The following IMMP2L variants were observed in gnomAD, a reference collection of about 807,000 sequenced individuals.
The protein encoded by IMMP2L is inner mitochondrial membrane peptidase subunit 2.
IMMP2L carries 18 observed loss-of-function variants against 19.3 expected under a neutral mutation model. The ratio of observed to expected loss-of-function variants is 0.93; its 90% CI spans 0.64 to 1.38. IMMP2L has a LOEUF of 1.38. Among genes scored for constraint, IMMP2L ranks in the 40% most tolerant of loss-of-function variants. The pLI, the probability that IMMP2L is intolerant of heterozygous loss-of-function variation, is 0.00. For synonymous variants in IMMP2L, 76 were observed against 73.0 expected, an observed-to-expected ratio of 1.04 and a Z score of -0.21; for missense variants, 233 against 218.2, an observed-to-expected ratio of 1.07 and a Z score of -0.43.
intron 5 of IMMP2L, among the ~76,000 whole-genome samples, chr7:110,816,302 C>A (rs1043761105): frequency 6.6e-6 from 1 of 152,032 alleles, no homozygotes; most frequent in Non-Finnish European, 1.5e-5. Flanking sequence ...ATCCTGAGTT[C>A]TAGTTTGATT....
At chr7:111,185,962 C>T (rs184511190) in intron 3 of IMMP2L, among the ~76,000 whole-genome samples, 4 of 152,226 alleles carry the variant, frequency 2.6e-5, no homozygotes, top group South Asian at 2.1e-4. Flanking sequence ...TTCAACACTA[C>T]ACTACTTTGA....
At chr7:110,814,061 C>A (rs996957139) in intron 5 of IMMP2L, among the ~76,000 whole-genome samples, 2 of 151,956 alleles carry the variant, frequency 1.3e-5, no homozygotes, top group Admixed American at 1.3e-4. Context: ...AGAGAACACT[C>A]TTGATTTGAT....
intron 5 of IMMP2L, among the ~76,000 whole-genome samples, chr7:110,819,573 A>G (rs1437365799): frequency 6.6e-6 from 1 of 152,030 alleles, no homozygotes; most frequent in Non-Finnish European, 1.5e-5. Context: ...CAAAGTTCCA[A>G]AAACCATGAC....
intron 5 of IMMP2L, among the ~76,000 whole-genome samples, chr7:110,821,934 A>G (rs1803072275): frequency 6.6e-6 from 1 of 152,078 alleles, no homozygotes; most frequent in South Asian, 2.1e-4. Context: ...AAAAAAAGGT[A>G]AAATTCACTA....
At chr7:111,406,824 G>A (rs552092397) in intron 3 of IMMP2L, among the ~76,000 whole-genome samples, 4 of 152,070 alleles carry the variant, frequency 2.6e-5, no homozygotes, top group Admixed American at 2.0e-4. Flanking sequence ...TGCATTTTGG[G>A]GAGTGCCCTT....
chr7:110,809,806 A>C (rs1237019574), intron 5 of IMMP2L, among the ~76,000 whole-genome samples: 2 of 152,012 alleles, frequency 1.3e-5, no homozygotes, highest in Non-Finnish European at 2.9e-5. Context: ...TCATTAGGCA[A>C]AATATATTCT....
chr7:110,856,767 GT>G (rs1471828578), intron 5 of IMMP2L, among the ~76,000 whole-genome samples: 1 of 152,048 alleles, frequency 6.6e-6, no homozygotes, highest in Non-Finnish European at 1.5e-5. Context: ...GCTGAAATCA[GT>G]GGCCTTTAAT....
intron 5 of IMMP2L, among the ~76,000 whole-genome samples, chr7:110,840,946 G>A (rs1584993280): frequency 1.3e-5 from 2 of 151,838 alleles, no homozygotes; most frequent in South Asian, 2.1e-4. Flanking sequence ...CTCAATTTTG[G>A]TAGTAATATA....
chr7:111,323,476 A>G (rs1441048777), intron 3 of IMMP2L, among the ~76,000 whole-genome samples: 1 of 152,160 alleles, frequency 6.6e-6, no homozygotes, highest in Non-Finnish European at 1.5e-5. Context: ...ACAATCATTA[A>G]AAAGTCAGGA....
intron 3 of IMMP2L, among the ~76,000 whole-genome samples, chr7:111,093,054 T>A (rs141642646): frequency 6.6e-6 from 1 of 152,198 alleles, no homozygotes; most frequent in African/African-American, 2.4e-5. Context: ...GTCAAAAAAA[T>A]GAGTCAGTTT....
At chr7:110,941,673 T>C (rs1816740595) in intron 4 of IMMP2L, among the ~76,000 whole-genome samples, 2 of 152,178 alleles carry the variant, frequency 1.3e-5, no homozygotes, top group Non-Finnish European at 1.5e-5. Flanking sequence ...TTAATTGAAA[T>C]ACCTTTATGC....
At chr7:111,539,222 GAAAGAAAGAAAGAAAGAAAGAA>G (rs1229297640) in intron 1 of IMMP2L, among the ~76,000 whole-genome samples, 1 of 120,974 alleles carries the variant, frequency 8.3e-6, no homozygotes, top group African/African-American at 3.5e-5. Context: ...AAGAAAGAAA[GAAAGAAAGAAAGAAAGAAAGAA>G]AGAAAGAAAG....
At chr7:110,773,827 C>T (rs1482909168) in intron 5 of IMMP2L, among the ~76,000 whole-genome samples, 14 of 135,756 alleles carry the variant, frequency 1.0e-4, no homozygotes, top group South Asian at 4.6e-4. Flanking sequence ...ATAGTCTATT[C>T]TTTTTTTTTT....
At chr7:111,436,389 A>G (rs915557820) in intron 3 of IMMP2L, among the ~76,000 whole-genome samples, 2 of 151,750 alleles carry the variant, frequency 1.3e-5, no homozygotes, top group Non-Finnish European at 2.9e-5. Flanking sequence ...ACTTTTAACC[A>G]AACAATGTAT....
chr7:111,538,740 A>C (rs1848128672), intron 1 of IMMP2L, among the ~76,000 whole-genome samples: 1 of 146,670 alleles, frequency 6.8e-6, no homozygotes. Context: ...AGCCAAGGAG[A>C]TCGAGACTGC....
intron 5 of IMMP2L, among the ~76,000 whole-genome samples, chr7:110,744,619 G>C (rs1797207022): frequency 1.3e-5 from 2 of 152,228 alleles, no homozygotes; most frequent in Non-Finnish European, 2.9e-5. Flanking sequence ...GTCTGGAGTG[G>C]ACCTCCAGCA....
chr7:111,257,057 A>T (rs1036277309), intron 3 of IMMP2L, among the ~76,000 whole-genome samples: 1 of 152,106 alleles, frequency 6.6e-6, no homozygotes, highest in African/African-American at 2.4e-5. Context: ...TTTCTCTTTC[A>T]CATTTATCAG....
chr7:110,826,040 C>G (rs1803459845), intron 5 of IMMP2L, among the ~76,000 whole-genome samples: 1 of 152,186 alleles, frequency 6.6e-6, no homozygotes. Context: ...TATGAACACA[C>G]ACTTCTCAAA....
rs549463319 is a variant in IMMP2L, at chr7:111,217,536, A to G, written c.240-253971T>C. ...CAGAGCAGAGTAGCTACATGAAGAAACTAGGATATACTGTAAGCAAAGGAA... is the reference window on the plus strand; with the variant it reads ...CAGAGCAGAGTAGCTACATGAAGAAGCTAGGATATACTGTAAGCAAAGGAA... On this transcript the variant is annotated intron_variant, in intron 3 of 5. Transcript: ENST00000405709. Among the ~76,000 whole-genome samples, 7 of 152,258 alleles carry G rather than the reference A, an allele frequency of 4.6e-5. No homozygotes were observed. In the East Asian group the frequency reaches 1.2e-3, roughly 25 times the overall value.
Sources: gnomAD v4.1 joint callset for allele counts (sites outside exome capture counted in the v4.1 genomes callset) on GRCh38, gnomAD v4.1.1 for gene constraint, MANE v1.5 for transcripts, NCBI Gene and HGNC (gene_info 2026-07-23, HGNC 2026-07-21) for gene names.